The following EPM2A variants were observed in gnomAD, a reference collection of about 807,000 sequenced individuals.
EPM2A encodes the protein EPM2A glucan phosphatase, laforin.
In EPM2A, 21 loss-of-function variants were observed where a neutral mutation model predicts 26.5. That is an observed-to-expected ratio of 0.79 (90% confidence interval 0.56 to 1.14). The LOEUF is 1.14. Among genes scored for constraint, EPM2A ranks in the 50% most tolerant of loss-of-function variants. EPM2A has a pLI of 0.00. For missense variants in EPM2A, 458 were observed against 440.8 expected (o/e 1.04, Z -0.35); for synonymous variants, 217 against 177.6 (o/e 1.22, Z -1.76).
At chr6:145,675,181 A>G (rs1779937049) in intron 2 of EPM2A, among the ~76,000 whole-genome samples, 1 of 152,180 alleles carries the variant, frequency 6.6e-6, no homozygotes, top group South Asian at 2.1e-4. Flanking sequence ...TTTCCACCCA[A>G]ACTAAGCTTC....
At position 145,448,609 on chromosome 6, in the gene EPM2A, T is replaced by C. The variant is rs545018188; in HGVS notation, c.555+53913A>G. Reference sequence around the variant, plus strand: ...CATTTATAAATATTGCTGGCTTTGTTTGATTGAAAATAACAATAATTTGGT... The same window carrying C: ...CATTTATAAATATTGCTGGCTTTGTCTGATTGAAAATAACAATAATTTGGT... On this transcript the variant is annotated intron_variant, in intron 4 of 4. Transcript: ENST00000638717. Among the ~76,000 whole-genome samples the C allele has an allele frequency of 1.4e-4, 22 of 152,300 alleles. No individual in the cohort carries two copies. In the South Asian group the frequency reaches 4.6e-3, roughly 32 times the overall value.
intron 2 of EPM2A, among the ~76,000 whole-genome samples, chr6:145,603,463 G>A (rs1781443096): frequency 1.3e-5 from 2 of 152,048 alleles, no homozygotes; most frequent in Non-Finnish European, 1.5e-5. Flanking sequence ...ATTTTTATGT[G>A]ATTAATTGAC....
intron 2 of EPM2A, among the ~76,000 whole-genome samples, chr6:145,615,438 T>G: frequency 6.6e-6 from 1 of 152,140 alleles, no homozygotes; most frequent in East Asian, 1.9e-4. Flanking sequence ...GTCTCGGGTA[T>G]GTCTTTATTA....
chr6:145,681,801 A>G (rs1027516310), intron 2 of EPM2A, among the ~76,000 whole-genome samples: 10 of 152,166 alleles, frequency 6.6e-5, no homozygotes, highest in Non-Finnish European at 8.8e-5. Context: ...GTCAGCTTAT[A>G]TATGCATCTG....
At chr6:145,670,569 A>G (rs1002022102) in intron 2 of EPM2A, among the ~76,000 whole-genome samples, 9 of 152,118 alleles carry the variant, frequency 5.9e-5, no homozygotes, top group African/African-American at 1.9e-4. Context: ...TTCTTCATAC[A>G]CTTTAGCTGA....
chr6:145,608,272 T>A (rs1775311419), intron 2 of EPM2A, among the ~76,000 whole-genome samples: 1 of 152,214 alleles, frequency 6.6e-6, no homozygotes, highest in African/African-American at 2.4e-5. Flanking sequence ...TAGGTATGTA[T>A]AGGATGTATA....
At chr6:145,549,893 A>G (rs1780631215) in intron 2 of EPM2A, among the ~76,000 whole-genome samples, 1 of 152,102 alleles carries the variant, frequency 6.6e-6, no homozygotes, top group Non-Finnish European at 1.5e-5. Context: ...CACACACCTC[A>G]ATATTCTCCA....
chr6:145,735,251 G>C lies in EPM2A; in HGVS notation c.248C>G (p.Thr83Arg), dbSNP rs780634800. 2 of 1,533,770 alleles carry C rather than the reference G, an allele frequency of 1.3e-6. No homozygotes were observed. Among genetic ancestry groups the C allele is most frequent in the Non-Finnish European group, 1.8e-6 (2 of 1,139,612 alleles). ...QDGAEPGRVD[T>R]FWYKFLKREP... ...CCGCTTCAGGAACTTGTACCAGAAC[G>C]TGTCCACGCGGCCCGGCTCCGCCCC... The change falls in exon 1 of 4, where the codon ACG (threonine) becomes AGG (arginine). Residue 83 changes from threonine (T) to arginine (R), a missense_variant. By Grantham distance (71) the Thr-to-Arg change is moderately conservative. Coordinates refer to ENST00000367519, the MANE Select transcript of EPM2A (RefSeq NM_005670.4).
chr6:145,439,402 G>T (rs1357952579), intron 4 of EPM2A, among the ~76,000 whole-genome samples: 2 of 152,120 alleles, frequency 1.3e-5, no homozygotes, highest in African/African-American at 4.8e-5. Flanking sequence ...TTTCCATAAT[G>T]GTTGAACAAA....
chr6:145,668,652 C>T (rs990719916), intron 2 of EPM2A, among the ~76,000 whole-genome samples: 2 of 152,110 alleles, frequency 1.3e-5, no homozygotes, highest in Admixed American at 6.6e-5. Flanking sequence ...AGTTCTGCTA[C>T]TTATTGGCTG....
rs1257128809 is a variant in EPM2A, at chr6:145,534,010, AG to A, written c.341-31436del. ...GATAGTTCTGAAAGCCTTTGTCAAG[AG>A]GAGTTGTTGGATTTATTAATTAAAA... On this transcript the variant is annotated intron_variant, in intron 2 of 3. Coordinates refer to the EPM2A transcript ENST00000450221. Among the ~76,000 whole-genome samples, 5 of 152,220 alleles carry A rather than the reference AG, an allele frequency of 3.3e-5. No individual in the cohort carries two copies. The East Asian group carries it at 5.8e-4, about 18-fold the overall frequency.
intron 2 of EPM2A, among the ~76,000 whole-genome samples, chr6:145,587,317 T>C (rs1415895153): frequency 6.6e-6 from 1 of 152,202 alleles, no homozygotes; most frequent in Non-Finnish European, 1.5e-5. Context: ...ACTCATTTTA[T>C]TCAATAAAGA....
At chr6:145,453,377 T>C (rs372385528) in intron 4 of EPM2A, among the ~76,000 whole-genome samples, 1 of 152,310 alleles carries the variant, frequency 6.6e-6, no homozygotes, top group East Asian at 1.9e-4. Flanking sequence ...TTCCCTGTTG[T>C]TTTGAAATTA....
intron 4 of EPM2A, among the ~76,000 whole-genome samples, chr6:145,452,289 G>T (rs1779204814): frequency 6.6e-6 from 1 of 151,834 alleles, no homozygotes; most frequent in Non-Finnish European, 1.5e-5. Flanking sequence ...TGTGTGACCT[G>T]TGTTAACCTG....
downstream of EPM2A, among the ~76,000 whole-genome samples, chr6:145,496,736 T>TTTTTTTTTTTTG (rs1779826000): frequency 8.1e-6 from 1 of 123,962 alleles, no homozygotes; most frequent in African/African-American, 2.8e-5. Flanking sequence ...CAATTTTTTT[T>TTTTTTTTTTTTG]TTTTTTTTTT....
At chr6:145,642,000 G>C (rs1017454000) in intron 2 of EPM2A, among the ~76,000 whole-genome samples, 4 of 152,134 alleles carry the variant, frequency 2.6e-5, no homozygotes, top group Non-Finnish European at 4.4e-5. Context: ...AACTTCTTAA[G>C]ACTGAGTCCA....
chr6:145,441,736 C>T (rs568770758), intron 4 of EPM2A, among the ~76,000 whole-genome samples: 1 of 152,182 alleles, frequency 6.6e-6, no homozygotes, highest in South Asian at 2.1e-4. Flanking sequence ...GTGGTGCATG[C>T]CTGTAGTCCC....
intron 2 of EPM2A, among the ~76,000 whole-genome samples, chr6:145,579,514 T>G (rs985195068): frequency 6.6e-6 from 1 of 152,240 alleles, no homozygotes; most frequent in African/African-American, 2.4e-5. Context: ...TACTACCACT[T>G]ACTTTTACAG....
intron 4 of EPM2A, among the ~76,000 whole-genome samples, chr6:145,408,712 T>A (rs1005283502): frequency 6.6e-6 from 1 of 152,162 alleles, no homozygotes; most frequent in Non-Finnish European, 1.5e-5. Context: ...GGCTACTATA[T>A]GAAAATGCCT....
Sources: gnomAD v4.1 joint callset for allele counts (sites outside exome capture counted in the v4.1 genomes callset) on GRCh38, gnomAD v4.1.1 for gene constraint, MANE v1.5 for transcripts, NCBI Gene and HGNC (gene_info 2026-07-23, HGNC 2026-07-21) for gene names.